ALK: variants seen among roughly 807,000 people sequenced by gnomAD.
ALK encodes ALK receptor tyrosine kinase.
ALK carries 74 observed loss-of-function variants against 163.1 expected under a neutral mutation model. The ratio of observed to expected loss-of-function variants is 0.45; its 90% CI spans 0.38 to 0.55. The LOEUF is 0.55. Among genes scored for constraint, ALK ranks in the 20% least tolerant of loss-of-function variants. The pLI is 0.00. For synonymous variants in ALK, 960 were observed against 843.2 expected (o/e 1.14, Z -2.40); for missense variants, 2,063 against 2,105.3 (o/e 0.98, Z 0.39).
rs138833283 is a variant in ALK, at chr2:29,230,916, G to A, written c.2632+1388C>T. ...GAGATGGACGGAGACCATGCGCTGT[G>A]CTTTCATCCTGCTCAGCCCCCAGCT... On this transcript the variant is annotated intron_variant, in intron 15 of 28. Coordinates refer to ENST00000389048, the MANE Select transcript of ALK (RefSeq NM_004304.5). 3.4e-3 allele frequency among the ~76,000 whole-genome samples: 515 copies of A among 152,270 alleles called. 3 individuals are homozygous for A. The highest frequency in any genetic ancestry group is 0.012 in the African/African-American group (486 of 41,522).
At chr2:29,665,018 T>TTTA (rs1677471560) in intron 3 of ALK, among the ~76,000 whole-genome samples, 1 of 144,052 alleles carries the variant, frequency 6.9e-6, no homozygotes, top group Non-Finnish European at 1.5e-5. Context: ...TTTTTTTTTT[T>TTTA]GAGACCTGCT....
chr2:29,554,279 T>G (rs1673789189), intron 3 of ALK, among the ~76,000 whole-genome samples: 1 of 152,130 alleles, frequency 6.6e-6, no homozygotes. Flanking sequence ...GTCACTAACT[T>G]TGTGTTGTAA....
chr2:29,919,535 T>C (rs1437953597), intron 1 of ALK, among the ~76,000 whole-genome samples: 1 of 152,132 alleles, frequency 6.6e-6, no homozygotes, highest in Non-Finnish European at 1.5e-5. Context: ...TTCAATAATA[T>C]GAAGAGAAAT....
chr2:29,288,235 C>G (rs907414864), intron 9 of ALK, among the ~76,000 whole-genome samples: 24 of 152,220 alleles, frequency 1.6e-4, no homozygotes, highest in Non-Finnish European at 2.6e-4. Context: ...GATGCAGATG[C>G]AGCTCTCCTG....
At chr2:29,349,076 T>C (rs966796636) in intron 5 of ALK, among the ~76,000 whole-genome samples, 3 of 152,158 alleles carry the variant, frequency 2.0e-5, no homozygotes, top group Non-Finnish European at 2.9e-5. Context: ...AAGTTCTTAG[T>C]GGTGCCTAAC....
At chr2:29,391,023 T>G (rs1404286137) in intron 4 of ALK, among the ~76,000 whole-genome samples, 1 of 152,148 alleles carries the variant, frequency 6.6e-6, no homozygotes, top group Admixed American at 6.5e-5. Flanking sequence ...AGAGCTGCTC[T>G]GAGGCTAAGG....
chr2:29,637,181 A>G (rs1162435173), intron 3 of ALK, among the ~76,000 whole-genome samples: 4 of 152,210 alleles, frequency 2.6e-5, no homozygotes. Flanking sequence ...ACTAGAAACC[A>G]ACATGTTCCT....
rs1676804001 is a variant in ALK, at chr2:29,644,190, T to C, written c.952+50660A>G. On this transcript the variant is annotated intron_variant, in intron 3 of 28. Transcript: ENST00000389048. ...GCATATTCTCACTCATAGGTGGGAA[T>C]TGAACAATGAGAACACATGGACACA... is the stretch of plus-strand genomic sequence containing the variant. 2.9e-5 allele frequency among the ~76,000 whole-genome samples: 4 copies of C among 137,444 alleles called. No individual in the cohort carries two copies. The South Asian group carries it at 6.9e-4, about 24-fold the overall frequency. 90.2% of individuals were successfully genotyped at this position (137,444 alleles called of 152,430 possible). A position where few individuals can be genotyped will look rare whatever the true frequency, so the allele number is the denominator to read the frequency against.
rs1669333468 is a variant in ALK at position 29,207,178 on chromosome 2, C to T, written c.3931G>A (p.Asp1311Asn). 1 of 1,613,398 alleles carries T rather than the reference C, an allele frequency of 6.2e-7. No individual in the cohort carries two copies. The highest frequency in any genetic ancestry group is 8.5e-7 in the Non-Finnish European group (1 of 1,179,386). The stretch of plus-strand genomic sequence containing the variant: ...GGATGATGGCTGACTTACCATGTGT[C>T]TGTTTTAGAAGTGAATATTCCTTCC... ...FMEGIFTSKT[D>N]TWSFGVLLWE... The change falls in exon 26 of 29, where the codon GAC becomes AAC. Residue 1311 changes from aspartate (D) to asparagine (N), a missense_variant. Coordinates refer to ENST00000389048, the MANE Select transcript of ALK (RefSeq NM_004304.5).
At chr2:29,440,012 A>G (rs1049334395) in intron 4 of ALK, among the ~76,000 whole-genome samples, 1 of 152,042 alleles carries the variant, frequency 6.6e-6, no homozygotes, top group African/African-American at 2.4e-5. Context: ...CAGGAGGATC[A>G]CCTGAGATCA....
At chr2:29,475,965 C>A (rs1303691483) in intron 4 of ALK, among the ~76,000 whole-genome samples, 1 of 152,206 alleles carries the variant, frequency 6.6e-6, no homozygotes, top group Non-Finnish European at 1.5e-5. Flanking sequence ...GTCTCTTGGT[C>A]CTCCCGTGTG....
intron 4 of ALK, among the ~76,000 whole-genome samples, chr2:29,489,079 T>C (rs980937903): frequency 8.5e-5 from 13 of 152,172 alleles, no homozygotes; most frequent in Non-Finnish European, 1.8e-4. Context: ...AGCAGAACTA[T>C]GCAAATGAAT....
At position 29,233,604 on chromosome 2, in the gene ALK, T is replaced by A; in HGVS notation, c.2448A>T (p.Gly816=). ...TGGCTCCACCCCCTCCTCCTCCGCC[T>A]CCTGCCCACTCATGCACGCTTCTGT... ...RVNRSVHEWA[G]GGGGGGGATY... Residue 816 remains glycine, a synonymous_variant, in exon 14 of 29, where the codon GGA becomes GGT. Coordinates refer to ENST00000389048, the MANE Select transcript of ALK (RefSeq NM_004304.5). 1 of 1,614,232 alleles carries A rather than the reference T, an allele frequency of 6.2e-7. No homozygotes were observed. The highest frequency in any genetic ancestry group is 8.5e-7 in the Non-Finnish European group (1 of 1,180,030).
chr2:29,251,041 G>A (rs2148197039), intron 12 of ALK, 64 bp downstream of exon 12: 2 of 1,556,154 alleles, frequency 1.3e-6, no homozygotes, highest in Non-Finnish European at 1.8e-6. Context: ...GCACCCATAG[G>A]CAAGACTCCA....
intron 1 of ALK, among the ~76,000 whole-genome samples, chr2:29,878,968 C>T (rs1666790717): frequency 6.6e-6 from 1 of 152,020 alleles, no homozygotes; most frequent in Non-Finnish European, 1.5e-5. Context: ...TGGCTAAAGT[C>T]GAAGCAGAAA....
chr2:29,624,509 T>C (rs1676136304), intron 3 of ALK, among the ~76,000 whole-genome samples: 1 of 152,122 alleles, frequency 6.6e-6, no homozygotes, highest in African/African-American at 2.4e-5. Flanking sequence ...TTGGAGGAGC[T>C]GTTCCAATGG....
intron 3 of ALK, among the ~76,000 whole-genome samples, chr2:29,640,996 T>A (rs1311373994): frequency 6.6e-6 from 1 of 152,106 alleles, no homozygotes; most frequent in South Asian, 2.1e-4. Flanking sequence ...AAACTGGAGA[T>A]GTCGGGACAT....
chr2:29,325,857 G>T (rs536957175), intron 6 of ALK, among the ~76,000 whole-genome samples: 2 of 152,298 alleles, frequency 1.3e-5, no homozygotes, highest in African/African-American at 4.8e-5. Context: ...TAGAGTAAAG[G>T]CTCAACAGGT....
intron 3 of ALK, among the ~76,000 whole-genome samples, chr2:29,593,598 C>T (rs2148208678): frequency 6.6e-6 from 1 of 152,306 alleles, no homozygotes; most frequent in South Asian, 2.1e-4. Flanking sequence ...GGCTATGCAC[C>T]TGAGAAGAAT....
Sources: allele counts gnomAD v4.1 joint callset (sites outside exome capture counted in the v4.1 genomes callset), GRCh38; gene constraint gnomAD v4.1.1; transcripts MANE v1.5; gene names NCBI Gene and HGNC (gene_info 2026-07-23, HGNC 2026-07-21).